The following SMARCC1 variants were observed in gnomAD, a reference collection of about 807,000 sequenced individuals.
SMARCC1 encodes SWI/SNF complex subunit SMARCC1.
In SMARCC1, 43 loss-of-function variants were observed where a neutral mutation model predicts 147.4. That is an observed-to-expected ratio of 0.29 (90% CI 0.23 to 0.38). SMARCC1 has a LOEUF of 0.38. Among genes scored for constraint, SMARCC1 ranks in the 10% least tolerant of loss-of-function variants. The pLI, the probability that SMARCC1 is intolerant of heterozygous loss-of-function variation, is 1.00. For missense variants in SMARCC1, 1,119 were observed against 1,381.1 expected (o/e 0.81, Z 3.01); for synonymous variants, 495 against 484.4 (o/e 1.02, Z -0.29).
intron 26 of SMARCC1, 39 bp downstream of exon 26, chr3:47,610,027 G>A (rs1483711918): frequency 1.2e-6 from 2 of 1,606,890 alleles, no homozygotes; most frequent in Non-Finnish European, 1.7e-6. Context: ...CCTCTGTAGT[G>A]ACCATAAGCT....
At chr3:47,591,995 G>A (rs774110503) in intron 26 of SMARCC1, among the ~76,000 whole-genome samples, 2 of 152,198 alleles carry the variant, frequency 1.3e-5, no homozygotes, top group Non-Finnish European at 2.9e-5. Context: ...TACTATCTAT[G>A]TAAGGACAAC....
At chr3:47,765,392 G>C (rs1031277322) in intron 2 of SMARCC1, among the ~76,000 whole-genome samples, 18 of 151,550 alleles carry the variant, frequency 1.2e-4, no homozygotes, top group Admixed American at 5.9e-4. Flanking sequence ...TTAAATGGAT[G>C]TTCTCTTTAT....
chr3:47,697,870 T>C (rs1188292005), intron 11 of SMARCC1, among the ~76,000 whole-genome samples: 1 of 151,166 alleles, frequency 6.6e-6, no homozygotes, highest in East Asian at 2.0e-4. Context: ...TAGCCAGGCA[T>C]GGTAGTGGGC....
At position 47,751,540 on chromosome 3, in the gene SMARCC1, C is replaced by CA. The variant is rs57964357; in HGVS notation, c.316-5548dup. Among the ~76,000 whole-genome samples, 958 of 141,992 alleles carry CA rather than the reference C, an allele frequency of 6.7e-3. 9 individuals are homozygous for CA. The highest frequency in any genetic ancestry group is 0.019 in the African/African-American group (683 of 36,170). The allele number at this position is 141,992 out of a possible 152,430, so 93.2% of individuals were successfully genotyped here. A position where few individuals can be genotyped will look rare whatever the true frequency, so the allele number is the denominator to read the frequency against. On this transcript the variant is annotated intron_variant, in intron 2 of 27. Coordinates refer to ENST00000254480, the MANE Select transcript of SMARCC1 (RefSeq NM_003074.4). ...TGGGCAACAGAGCAAGACTCTGTCTCAAAAAAAAAAAAAAAGAAAACAAAA... is the reference window on the plus strand; with the variant it reads ...TGGGCAACAGAGCAAGACTCTGTCTCAAAAAAAAAAAAAAAAGAAAACAAAA...
intron 24 of SMARCC1, among the ~76,000 whole-genome samples, chr3:47,623,171 C>T (rs950395184): frequency 4.5e-3 from 193 of 42,472 alleles, no homozygotes; most frequent in Middle Eastern, 0.016. Context: ...AAGCAGGGTT[C>T]TTCATAAAAA....
chr3:47,653,261 T>C (rs1030465673), intron 21 of SMARCC1, among the ~76,000 whole-genome samples: 3 of 152,244 alleles, frequency 2.0e-5, no homozygotes, highest in East Asian at 3.8e-4. Context: ...CCGGCCGCTT[T>C]ACTTTCATTT....
At chr3:47,781,532 C>T in intron 1 of SMARCC1, 71 bp downstream of exon 1, 2 of 1,154,018 alleles carry the variant, frequency 1.7e-6, no homozygotes, top group Non-Finnish European at 2.3e-6. Flanking sequence ...CGGCCCGAGG[C>T]CCGCGAGGCC....
intron 21 of SMARCC1, among the ~76,000 whole-genome samples, chr3:47,643,664 G>C (rs143894202): frequency 6.6e-6 from 1 of 152,244 alleles, no homozygotes; most frequent in East Asian, 1.9e-4. Context: ...GTACATTTAT[G>C]TTTGTGATAA....
At chr3:47,622,795 T>G (rs2032753647) in intron 24 of SMARCC1, among the ~76,000 whole-genome samples, 1 of 152,172 alleles carries the variant, frequency 6.6e-6, no homozygotes, top group African/African-American at 2.4e-5. Flanking sequence ...TGAGCAGACC[T>G]CATGTGTGGA....
In SMARCC1 at chr3:47,662,342, G is replaced by A. The variant is rs1013254743; in HGVS notation, c.2150C>T (p.Ala717Val). 26 of 1,613,812 alleles carry A rather than the reference G, an allele frequency of 1.6e-5. No individual in the cohort carries two copies. The highest frequency in any genetic ancestry group is 1.7e-4 in the Middle Eastern group (1 of 6,038). Residue 717 changes from alanine to valine, a missense_variant, in exon 20 of 28, where the codon GCG becomes GTG. Transcript: ENST00000254480. ...TTTAGGGAAGTCCATACCCAAAGCC[G>A]CTTTTGCTGCAGCAGATGCCACGCG... The part of the protein sequence containing the change: ...DPRVASAAAK[A>V]ALEEFSRVRE...
chr3:47,704,528 C>A (rs913471348), intron 10 of SMARCC1, among the ~76,000 whole-genome samples: 1 of 152,024 alleles, frequency 6.6e-6, no homozygotes, highest in Admixed American at 6.6e-5. Flanking sequence ...TCCTGGCACC[C>A]CATTTTATCT....
intron 17 of SMARCC1, 26 bp downstream of exon 17, chr3:47,676,603 C>G: frequency 6.2e-7 from 1 of 1,600,226 alleles, no homozygotes; most frequent in Non-Finnish European, 8.6e-7. Context: ...CTATCCAGGT[C>G]TGATGAAAAG....
chr3:47,752,376 C>T (rs1473675407), intron 2 of SMARCC1, among the ~76,000 whole-genome samples: 1 of 152,152 alleles, frequency 6.6e-6, no homozygotes, highest in African/African-American at 2.4e-5. Flanking sequence ...CTATAAACCC[C>T]CATGCTGAAG....
At position 47,602,840 on chromosome 3, in the gene SMARCC1, G is replaced by A. The variant is rs891066196; in HGVS notation, c.3043+7226C>T. On this transcript the variant is annotated intron_variant, in intron 26 of 27. Coordinates refer to ENST00000254480, the MANE Select transcript of SMARCC1 (RefSeq NM_003074.4). The stretch of plus-strand genomic sequence containing the variant: ...CCATGAGGCAGGAATGTTCAAGAGT[G>A]CCTCATTTATTACAAATGCCTAGGA... Among the ~76,000 whole-genome samples, 10 of 152,200 alleles carry A rather than the reference G, an allele frequency of 6.6e-5. No individual in the cohort carries two copies. In the East Asian group the frequency reaches 1.7e-3, roughly 26 times the overall value.
chr3:47,713,945 G>C (rs919888101), intron 8 of SMARCC1, among the ~76,000 whole-genome samples: 3 of 152,120 alleles, frequency 2.0e-5, no homozygotes, highest in African/African-American at 4.8e-5. Context: ...CTAAGACCTA[G>C]ATAATAAAGT....
intron 24 of SMARCC1, among the ~76,000 whole-genome samples, chr3:47,626,609 G>A (rs2032814637): frequency 6.6e-6 from 1 of 152,228 alleles, no homozygotes; most frequent in African/African-American, 2.4e-5. Context: ...ATTGATACTT[G>A]AGTGGATACT....
At chr3:47,778,283 T>G (rs921010192) in intron 1 of SMARCC1, among the ~76,000 whole-genome samples, 10 of 151,890 alleles carry the variant, frequency 6.6e-5, no homozygotes, top group East Asian at 1.9e-4. Flanking sequence ...AATCTGGTTT[T>G]TTTTTGTTTT....
intron 3 of SMARCC1, among the ~76,000 whole-genome samples, chr3:47,742,429 T>C (rs1016621958): frequency 6.6e-6 from 1 of 152,222 alleles, no homozygotes; most frequent in Non-Finnish European, 1.5e-5. Flanking sequence ...TGGATTTCCA[T>C]GAATAGGTCA....
At chr3:47,758,007 A>G (rs556019482) in intron 2 of SMARCC1, among the ~76,000 whole-genome samples, 21 of 152,282 alleles carry the variant, frequency 1.4e-4, no homozygotes, top group African/African-American at 4.1e-4. Context: ...AGCACTATTT[A>G]TAATAGCTCT....
Sources: gnomAD v4.1 joint callset for allele counts (sites outside exome capture counted in the v4.1 genomes callset) on GRCh38, gnomAD v4.1.1 for gene constraint, MANE v1.5 for transcripts, NCBI Gene and HGNC (gene_info 2026-07-23, HGNC 2026-07-21) for gene names.